KLHL36: variants seen among roughly 807,000 people sequenced by gnomAD.
KLHL36 encodes kelch like family member 36, also known as kelch-like protein 36.
KLHL36 carries 35 observed loss-of-function variants against 53.3 expected under a neutral mutation model. The observed-to-expected ratio is 0.66, with a 90% confidence interval of 0.50 to 0.87. The LOEUF (loss-of-function observed/expected upper bound fraction) is 0.87. Among genes scored for constraint, KLHL36 ranks in the 40% least tolerant of loss-of-function variants. The probability of loss-of-function intolerance (pLI) is 0.00; values close to 1 mark genes in which losing one functional copy is unlikely to be tolerated. For missense variants in KLHL36, 864 were observed against 897.6 expected, an observed-to-expected ratio of 0.96 and a Z score of 0.48; for synonymous variants, 472 against 398.9, an observed-to-expected ratio of 1.18 and a Z score of -2.18.
In KLHL36 at chr16:84,667,545, A is replaced by T. The variant is rs1907905628; in HGVS notation, c.*5412A>T. 6.6e-6 allele frequency: 1 copy of T among 152,164 alleles called. No homozygotes were observed. Among genetic ancestry groups the T allele is most frequent in the Non-Finnish European group, 1.5e-5 (1 of 68,034 alleles). The allele number at this position is 152,164 out of a possible 1,614,324, so 9.4% of individuals were successfully genotyped here. A position where few individuals can be genotyped will look rare whatever the true frequency, so the allele number is the denominator to read the frequency against. ...TCAATTCTTGAAACACATTAAAATA[A>T]TTTGCTTGCTAGGGTATGGTTTATT... is the stretch of plus-strand genomic sequence containing the variant. On this transcript the variant is annotated 3_prime_UTR_variant, in exon 5 of 5. Transcript: ENST00000564996.
At position 84,657,924 on chromosome 16, in the gene KLHL36, C is replaced by A; in HGVS notation, c.1117C>A (p.Arg373Ser). 1.3e-6 allele frequency: 2 copies of A among 1,521,600 alleles called. No individual in the cohort carries two copies. The highest frequency in any genetic ancestry group is 1.8e-6 in the Non-Finnish European group (2 of 1,134,890). 94.3% of individuals were successfully genotyped at this position (1,521,600 alleles called of 1,614,324 possible). Residue 373 changes from arginine (R) to serine (S), a missense_variant, in exon 3 of 5, where the codon CGC (arginine) becomes AGC (serine). Coordinates refer to ENST00000564996, the MANE Select transcript of KLHL36 (RefSeq NM_024731.4). ...ASNLLYRYDPRCKQWIKVASM... is the reference protein window; with the variant it reads ...ASNLLYRYDPSCKQWIKVASM... ...CAATCTTCTTTATAGGTATGACCCC[C>A]GCTGTAAACAGTGGATCAAGGTGAG...
rs140269425 is a variant in KLHL36 at position 84,661,692 on chromosome 16, A to C, written c.1410A>C (p.Thr470=). 1 of 1,613,698 alleles carries C rather than the reference A, an allele frequency of 6.2e-7. No homozygotes were observed. Among genetic ancestry groups the C allele is most frequent in the Non-Finnish European group, 8.5e-7 (1 of 1,179,976 alleles). Residue 470 remains threonine (T), a synonymous_variant, in exon 5 of 5, where the codon ACA becomes ACC. Coordinates refer to ENST00000564996, the MANE Select transcript of KLHL36 (RefSeq NM_024731.4). The surrounding 1 kb of genome is among the most constrained non-coding windows in gnomAD (Gnocchi z 7.9). Reference sequence around the variant, plus strand: ...ACCTGCTATGCTACGACCACCGGACAGACGTGTGGGAGGAGCGGCGGCCCA... The same window carrying C: ...ACCTGCTATGCTACGACCACCGGACCGACGTGTGGGAGGAGCGGCGGCCCA... ...RKNLLCYDHR[T]DVWEERRPMT...
In KLHL36 at chr16:84,650,040, G is replaced by A. The variant is rs925836852; in HGVS notation, c.-16-812G>A. 8.1e-5 allele frequency among the ~76,000 whole-genome samples: 12 copies of A among 148,020 alleles called. No homozygotes were observed. The East Asian group carries it at 2.4e-3, about 30-fold the overall frequency. On this transcript the variant is annotated intron_variant, in intron 1 of 4. Transcript: ENST00000564996. ...CCCCACCCAAGAGCCAGGCAGTGTA[G>A]CCTAAGAGTTAAGAGCATGGGCGCT...
chr16:84,653,105 TC>T (rs1906997168), intron 2 of KLHL36, among the ~76,000 whole-genome samples: 1 of 151,924 alleles, frequency 6.6e-6, no homozygotes, highest in Non-Finnish European at 1.5e-5. Flanking sequence ...TAGTCCCAGC[TC>T]CTCAGGAGGC....
chr16:84,654,926 G>C lies in KLHL36; in HGVS notation c.64-1945G>C, dbSNP rs373909212. Among the ~76,000 whole-genome samples the C allele has an allele frequency of 5.9e-5, 9 of 152,212 alleles. No homozygotes were observed. The East Asian group carries it at 1.3e-3, about 23-fold the overall frequency. On this transcript the variant is annotated intron_variant, in intron 2 of 4. Transcript: ENST00000564996. ...CGCCCGGCTGAGCCTAGGAGTTTCA[G>C]GCCGCAGTGATCTCTGATCTACTGT... is the stretch of plus-strand genomic sequence containing the variant.
chr16:84,657,619 T>C lies in KLHL36; in HGVS notation c.812T>C (p.Val271Ala), dbSNP rs1243949136. 1 of 1,611,554 alleles carries C rather than the reference T, an allele frequency of 6.2e-7. No individual in the cohort carries two copies. Among genetic ancestry groups the C allele is most frequent in the Admixed American group, 1.7e-5 (1 of 59,998 alleles). Reference sequence around the variant, plus strand: ...TGCGAGGGCTTCATCGAGGAGGCCGTGCGCTACCACAACAACCTGGCGGCC... The same window carrying C: ...TGCGAGGGCTTCATCGAGGAGGCCGCGCGCTACCACAACAACCTGGCGGCC... ...ANCEGFIEEA[V>A]RYHNNLAAQP... Residue 271 changes from valine (V) to alanine (A), a missense_variant, in exon 3 of 5, where the codon GTG becomes GCG. Transcript: ENST00000564996.
chr16:84,653,486 G>A (rs1445840227), intron 2 of KLHL36, among the ~76,000 whole-genome samples: 1 of 152,182 alleles, frequency 6.6e-6, no homozygotes, highest in Non-Finnish European at 1.5e-5. Context: ...AATAGGCCAG[G>A]CGCAGTGGCT....
chr16:84,654,511 A>T (rs1402193199), intron 2 of KLHL36, among the ~76,000 whole-genome samples: 1 of 152,188 alleles, frequency 6.6e-6, no homozygotes, highest in Non-Finnish European at 1.5e-5. Flanking sequence ...AAATAGCTGG[A>T]TATGGTGGCA....
chr16:84,661,661 G>A lies in KLHL36; in HGVS notation c.1379G>A (p.Arg460His), dbSNP rs267604670. Residue 460 changes from arginine (R) to histidine (H), a missense_variant, in exon 5 of 5, where the codon CGC (arginine) becomes CAC (histidine). By Grantham distance (29) the Arg-to-His change is conservative. Coordinates refer to ENST00000564996, the MANE Select transcript of KLHL36 (RefSeq NM_024731.4). The surrounding 1 kb of genome is among the most constrained non-coding windows in gnomAD (Gnocchi z 7.9). ...GGHDYQIGPYRKNLLCYDHRT... is the reference protein window; with the variant it reads ...GGHDYQIGPYHKNLLCYDHRT... ...CACGACTACCAAATTGGCCCCTACCGCAAGAACCTGCTATGCTACGACCAC... is the reference window on the plus strand; with the variant it reads ...CACGACTACCAAATTGGCCCCTACCACAAGAACCTGCTATGCTACGACCAC... The A allele has an allele frequency of 1.9e-6, 3 of 1,613,424 alleles. No homozygotes were observed. Among genetic ancestry groups the A allele is most frequent in the Non-Finnish European group, 2.5e-6 (3 of 1,179,862 alleles).
At chr16:84,650,264 A>AT (rs1330482571) in intron 1 of KLHL36, among the ~76,000 whole-genome samples, 5 of 152,190 alleles carry the variant, frequency 3.3e-5, no homozygotes, top group Admixed American at 6.5e-5. Flanking sequence ...TCATCACTGT[A>AT]CCACATCCTC....
chr16:84,651,385 C>T (rs914177809), intron 2 of KLHL36, among the ~76,000 whole-genome samples: 4 of 152,138 alleles, frequency 2.6e-5, no homozygotes, highest in Non-Finnish European at 4.4e-5. Context: ...TGATTCCCTG[C>T]GACCTAAGAG....
At chr16:84,649,725 C>G (rs1906721890) in intron 1 of KLHL36, among the ~76,000 whole-genome samples, 1 of 152,240 alleles carries the variant, frequency 6.6e-6, no homozygotes, top group South Asian at 2.1e-4. Context: ...CATGGGAACA[C>G]TGGAGTGCCC....
chr16:84,655,381 A>G (rs563685526), intron 2 of KLHL36, among the ~76,000 whole-genome samples: 1 of 152,376 alleles, frequency 6.6e-6, no homozygotes, highest in South Asian at 2.1e-4. Context: ...TTAAGAATTC[A>G]GAGCCTGGGC....
Position 84,656,863 on chromosome 16 carries a change from C to T in KLHL36, c.64-8C>T. On this transcript the variant is annotated splice_region_variant and splice_polypyrimidine_tract_variant and intron_variant, in intron 2 of 4. Transcript: ENST00000564996. ...CTGCGCCGTTTCTAATGTGTCTTCT[C>T]TGTCCAGGTATACCGCTGGGCCGAC... 6.3e-7 allele frequency: 1 copy of T among 1,594,676 alleles called. No individual in the cohort carries two copies.
chr16:84,649,509 G>T (rs893566781), intron 1 of KLHL36, among the ~76,000 whole-genome samples: 2 of 151,950 alleles, frequency 1.3e-5, no homozygotes, highest in African/African-American at 4.8e-5. Context: ...CGTGAAGGTG[G>T]AATGAAGTCG....
Position 84,648,686 on chromosome 16 carries a change from C to G in KLHL36, c.-17+37C>G, listed in dbSNP as rs1362652742. The G allele has an allele frequency of 6.8e-6, 1 of 148,036 alleles. No homozygotes were observed. The highest frequency in any genetic ancestry group is 6.7e-5 in the Admixed American group (1 of 14,892). 9.2% of individuals were successfully genotyped at this position (148,036 alleles called of 1,614,324 possible). A position where few individuals can be genotyped will look rare whatever the true frequency, so the allele number is the denominator to read the frequency against. On this transcript the variant is annotated intron_variant, in intron 1 of 4. Transcript: ENST00000564996. The surrounding 1 kb of genome is among the most constrained non-coding windows in gnomAD (Gnocchi z 4.9). Reference sequence around the variant, plus strand: ...CGCGCGCCCACCCTCCAGCCCGGGACCGCCAGGAAGCCGCGCCCGGCCGGG... The same window carrying G: ...CGCGCGCCCACCCTCCAGCCCGGGAGCGCCAGGAAGCCGCGCCCGGCCGGG...
chr16:84,658,222 C>T (rs546457864), intron 3 of KLHL36: 16 of 315,654 alleles, frequency 5.1e-5, no homozygotes, highest in Admixed American at 1.9e-4. Flanking sequence ...CTTCCCGATA[C>T]GGTAGCCACA....
At chr16:84,651,132 G>A (rs570641413) in intron 2 of KLHL36, among the ~76,000 whole-genome samples, 1 of 152,240 alleles carries the variant, frequency 6.6e-6, no homozygotes, top group Admixed American at 6.5e-5. Context: ...TGGTAGAGAC[G>A]CTATGGCCAG....
Position 84,661,597 on chromosome 16 carries a change from G to T in KLHL36, c.1315G>T (p.Gly439Cys). 1 of 1,600,324 alleles carries T rather than the reference G, an allele frequency of 6.2e-7. No individual in the cohort carries two copies. Among genetic ancestry groups the T allele is most frequent in the Non-Finnish European group, 8.5e-7 (1 of 1,170,988 alleles). ...GLPRFTYGHAGTIYKDFVYIS... is the reference protein window; with the variant it reads ...GLPRFTYGHACTIYKDFVYIS... ...CTGCAGGTTCACGTACGGCCACGCG[G>T]GCACCATCTACAAAGACTTCGTGTA... Residue 439 changes from glycine to cysteine, a missense_variant, in exon 5 of 5, where the codon GGC becomes TGC. Transcript: ENST00000564996. This position sits in a 1 kb window ranked among gnomAD's most constrained non-coding sequence, Gnocchi z 7.9.
Sources: gnomAD v4.1 joint callset for allele counts (sites outside exome capture counted in the v4.1 genomes callset) on GRCh38, gnomAD v4.1.1 for gene constraint, Gnocchi (gnomAD v3.1) non-coding constraint, MANE v1.5 for transcripts, NCBI Gene and HGNC (gene_info 2026-07-23, HGNC 2026-07-21) for gene names.